Variants in PFKL observed in about 807,000 individuals in gnomAD.
PFKL encodes ATP-dependent 6-phosphofructokinase, liver type.
In PFKL, 74 loss-of-function variants were observed where a neutral mutation model predicts 92.1. The observed-to-expected ratio is 0.80, with a 90% CI of 0.67 to 0.97. The LOEUF is 0.97. Ranked by LOEUF, PFKL falls within the 50% of genes least tolerant of loss-of-function variation. The pLI is 0.00. For synonymous variants in PFKL, 494 were observed against 456.4 expected, an observed-to-expected ratio of 1.08 and a Z score of -1.05; for missense variants, 1,028 against 1,116.6, an observed-to-expected ratio of 0.92 and a Z score of 1.13.
At position 44,314,042 on chromosome 21, in the gene PFKL, T is replaced by G. The variant is rs747998092; in HGVS notation, c.747+21T>G. 23 of 1,547,344 alleles carry G rather than the reference T, an allele frequency of 1.5e-5. No homozygotes were observed. The South Asian group carries it at 2.1e-4, about 14-fold the overall frequency. On this transcript the variant is annotated intron_variant, in intron 7 of 21. Transcript: ENST00000349048. Reference sequence around the variant, plus strand: ...GTGAGGTGGGTGCCGTCCAGCCTGCTGGGGGCCGCAGGTGTCCTGGTGCAC... The same window carrying G: ...GTGAGGTGGGTGCCGTCCAGCCTGCGGGGGGCCGCAGGTGTCCTGGTGCAC...
At chr21:44,314,381 T>G in intron 7 of PFKL, 2 of 254,372 alleles carry the variant, frequency 7.9e-6, no homozygotes, top group East Asian at 9.5e-5. Context: ...CCCAGCAAGG[T>G]CCAGACGGCA....
chr21:44,309,931 G>A (rs2041067043), intron 2 of PFKL, among the ~76,000 whole-genome samples: 2 of 152,220 alleles, frequency 1.3e-5, no homozygotes, highest in South Asian at 4.1e-4. Flanking sequence ...CCCGCAGCGC[G>A]CACTATCCCT....
Position 44,326,264 on chromosome 21 carries a change from A to G in PFKL, c.2195A>G (p.Glu732Gly). 1 of 1,604,712 alleles carries G rather than the reference A, an allele frequency of 6.2e-7. No homozygotes were observed. The highest frequency in any genetic ancestry group is 8.5e-7 in the Non-Finnish European group (1 of 1,173,202). ...GAGCTCAAGAAAGACACTGATTTCG[A>G]GTGAGTTCCACCAAAGCCTCGTGGA... Reference protein sequence around the residue: ...VTELKKDTDFEHRMPREQWWL... With the variant: ...VTELKKDTDFGHRMPREQWWL... The change falls in exon 21 of 22, where the codon GAG (glutamate) becomes GGG (glycine). Residue 732 changes from glutamate (E) to glycine (G), a missense_variant and splice_region_variant. Transcript: ENST00000349048.
At chr21:44,325,047 C>T (rs891207573) in intron 18 of PFKL, 106 bp from the exon 19 acceptor site, 1 of 1,195,782 alleles carries the variant, frequency 8.4e-7, no homozygotes. Context: ...GGGCGGCTTT[C>T]CTGGGAGCTG....
intron 9 of PFKL, 72 bp downstream of exon 9, chr21:44,316,596 G>A (rs1364982737): frequency 1.5e-5 from 18 of 1,169,158 alleles, no homozygotes; most frequent in Non-Finnish European, 6.1e-6. Context: ...TGTGGGCAGT[G>A]TGCACGCGAG....
chr21:44,317,072 C>T (rs1354330827), intron 9 of PFKL, among the ~76,000 whole-genome samples: 1 of 152,224 alleles, frequency 6.6e-6, no homozygotes, highest in East Asian at 1.9e-4. Context: ...CCTCGCCGTC[C>T]TTGGTCCTGA....
chr21:44,313,922 G>A lies in PFKL; in HGVS notation c.648G>A (p.Ala216=), dbSNP rs758961574. ...EVMGRHCGYL[A]LVSALASGAD... is the part of the protein sequence containing the mutation. ...GCGCTCGCTCCTCCAGGTACCTGGC[G>A]CTGGTATCTGCACTGGCCTCAGGGG... The change falls in exon 7 of 22, where the codon GCG becomes GCA. Residue 216 remains alanine (A), a synonymous_variant. Transcript: ENST00000349048. 8 of 1,596,004 alleles carry A rather than the reference G, an allele frequency of 5.0e-6. No individual in the cohort carries two copies. The Admixed American group carries it at 8.8e-5, about 18-fold the overall frequency.
At chr21:44,316,726 GGTGT>G (rs1298522407) in intron 9 of PFKL, among the ~76,000 whole-genome samples, 1 of 151,866 alleles carries the variant, frequency 6.6e-6, no homozygotes, top group African/African-American at 2.4e-5. Flanking sequence ...GGTCCGTGTG[GGTGT>G]GTGTGGCAGT....
intron 7 of PFKL, chr21:44,314,279 G>C (rs1290000923): frequency 1.9e-6 from 1 of 517,264 alleles, no homozygotes; most frequent in Admixed American, 3.4e-5. Context: ...GCTCAGCCCC[G>C]TGGTCAGTGT....
chr21:44,325,002 A>G (rs1602057406), intron 18 of PFKL, 85 bp downstream of exon 18: 1 of 1,339,640 alleles, frequency 7.5e-7, no homozygotes, highest in South Asian at 1.2e-5. Flanking sequence ...GCTGGGCAGG[A>G]GAAGGCAGGA....
At chr21:44,315,900 C>T (rs560623206) in intron 7 of PFKL, 7 of 351,838 alleles carry the variant, frequency 2.0e-5, no homozygotes, top group Middle Eastern at 9.4e-4. Context: ...CAGCCCTGTG[C>T]GTCTTCCCGC....
At chr21:44,325,639 CAG>C (rs897279398) in intron 19 of PFKL, 29 of 490,022 alleles carry the variant, frequency 5.9e-5, no homozygotes, top group Non-Finnish European at 1.1e-4. Flanking sequence ...GGAGGGGAGT[CAG>C]GGTGGCTGGG....
At chr21:44,320,236 GC>G (rs2047323526) in intron 12 of PFKL, 89 bp downstream of exon 12, 2 of 1,151,004 alleles carry the variant, frequency 1.7e-6, no homozygotes, top group East Asian at 2.5e-5. Flanking sequence ...GGGCCTGCCT[GC>G]CCCCACCTTC....
In PFKL at chr21:44,326,211, G is replaced by A; in HGVS notation, c.2142G>A (p.Lys714=). 6.2e-7 allele frequency: 1 copy of A among 1,613,126 alleles called. No individual in the cohort carries two copies. The highest frequency in any genetic ancestry group is 8.5e-7 in the Non-Finnish European group (1 of 1,179,850). Residue 714 remains lysine, a synonymous_variant, in exon 21 of 22, where the codon AAG becomes AAA. Coordinates refer to ENST00000349048, the MANE Select transcript of PFKL (RefSeq NM_002626.6). ...CGGCCTGCGTGATCGGCCTGAAGAA[G>A]AAGGCGGTGGCCTTCAGCCCCGTCA... ...PDSACVIGLK[K]KAVAFSPVTE... is the part of the protein sequence containing the mutation.
At chr21:44,306,652 G>T (rs2146430019) in intron 1 of PFKL, 29 bp from the exon 2 acceptor site, 1 of 1,606,956 alleles carries the variant, frequency 6.2e-7, no homozygotes, top group South Asian at 1.1e-5. Flanking sequence ...CTCAGCGTGG[G>T]ACTGACAGGT....
intron 2 of PFKL, among the ~76,000 whole-genome samples, chr21:44,309,601 C>T (rs2041055747): frequency 6.6e-6 from 1 of 152,194 alleles, no homozygotes; most frequent in Non-Finnish European, 1.5e-5. Context: ...CCCCTCCGCC[C>T]AGTGGGGCAG....
chr21:44,302,412 A>C (rs1170297692), intron 1 of PFKL, among the ~76,000 whole-genome samples: 4 of 152,340 alleles, frequency 2.6e-5, no homozygotes, highest in Admixed American at 2.6e-4. Context: ...CATTCTGGGC[A>C]GAACCAGAGT....
At chr21:44,305,091 C>T in intron 1 of PFKL, 1 of 437,116 alleles carries the variant, frequency 2.3e-6, no homozygotes, top group East Asian at 7.6e-5. Context: ...CCTACTGAAC[C>T]TGAGGGTGGG....
intron 1 of PFKL, chr21:44,305,160 C>A: frequency 9.4e-7 from 1 of 1,068,986 alleles, no homozygotes; most frequent in Non-Finnish European, 1.2e-6. Flanking sequence ...CCTCACCCTC[C>A]CTCTGGGATC....
Sources: gnomAD v4.1 joint callset for allele counts (sites outside exome capture counted in the v4.1 genomes callset) on GRCh38, gnomAD v4.1.1 for gene constraint, MANE v1.5 for transcripts, NCBI Gene and HGNC (gene_info 2026-07-23, HGNC 2026-07-21) for gene names.